CTNNA3: variants seen among roughly 807,000 people sequenced by gnomAD.
CTNNA3 encodes catenin alpha-3.
Under a neutral mutation model 95.7 loss-of-function variants are expected in CTNNA3, and 76 were observed. That is an observed-to-expected ratio of 0.79 (90% CI 0.66 to 0.96). CTNNA3 has a LOEUF of 0.96. CTNNA3 is among the 40% of genes least tolerant of loss of function. CTNNA3 has a pLI of 0.00. For synonymous variants in CTNNA3, 431 were observed against 374.4 expected, an observed-to-expected ratio of 1.15 and a Z score of -1.74; for missense variants, 1,191 against 1,089.8, an observed-to-expected ratio of 1.09 and a Z score of -1.31.
chr10:67,067,444 A>G (rs1223128631), intron 7 of CTNNA3, among the ~76,000 whole-genome samples: 4 of 152,220 alleles, frequency 2.6e-5, no homozygotes, highest in Non-Finnish European at 4.4e-5. Flanking sequence ...TTGTCCCTAT[A>G]ATAACATTTC....
chr10:67,539,743 T>C (rs1840612761), intron 3 of CTNNA3, 74 bp from the exon 4 acceptor site: 4 of 1,321,732 alleles, frequency 3.0e-6, no homozygotes, highest in Non-Finnish European at 3.2e-6. Context: ...TCAGCTAACC[T>C]AATTCCAAGT....
intron 1 of CTNNA3, among the ~76,000 whole-genome samples, chr10:67,669,090 G>A (rs969042863): frequency 4.6e-5 from 7 of 151,942 alleles, no homozygotes; most frequent in East Asian, 3.9e-4. Flanking sequence ...TGCCCGCCTC[G>A]GCCTCCCAAA....
intron 6 of CTNNA3, among the ~76,000 whole-genome samples, chr10:67,195,463 A>G (rs763191662): frequency 1.0e-4 from 14 of 138,314 alleles, no homozygotes; most frequent in Non-Finnish European, 1.8e-4. Context: ...CACCTACCAT[A>G]CAGGACTTTA....
At chr10:67,420,918 T>C (rs976151542) in intron 5 of CTNNA3, among the ~76,000 whole-genome samples, 1 of 152,284 alleles carries the variant, frequency 6.6e-6, no homozygotes, top group Admixed American at 6.5e-5. Context: ...AATAGTTTTG[T>C]TGTTGTTGTT....
intron 11 of CTNNA3, among the ~76,000 whole-genome samples, chr10:66,470,248 T>C (rs1839078237): frequency 6.6e-6 from 1 of 151,758 alleles, no homozygotes; most frequent in Non-Finnish European, 1.5e-5. Flanking sequence ...AATCTGTAAA[T>C]TAAGAGACAA....
intron 13 of CTNNA3, among the ~76,000 whole-genome samples, chr10:66,170,969 A>G (rs1174204686): frequency 2.0e-5 from 3 of 151,794 alleles, no homozygotes; most frequent in Non-Finnish European, 4.4e-5. Context: ...CCTAGTCTCT[A>G]CTAAAAATAC....
At chr10:66,454,026 G>C (rs1389449650) in intron 11 of CTNNA3, among the ~76,000 whole-genome samples, 1 of 151,268 alleles carries the variant, frequency 6.6e-6, no homozygotes, top group Non-Finnish European at 1.5e-5. Flanking sequence ...AGGTGAAAGA[G>C]AGAGGCAGAA....
intron 7 of CTNNA3, among the ~76,000 whole-genome samples, chr10:66,978,526 CAAAAAAA>C (rs1170594360): frequency 1.7e-4 from 7 of 42,318 alleles, no homozygotes; most frequent in Non-Finnish European, 2.3e-4. Context: ...GACTCCATCT[CAAAAAAA>C]AAAAAAAAAA....
At chr10:66,100,802 A>G (rs1014861891) in intron 14 of CTNNA3, among the ~76,000 whole-genome samples, 1 of 152,184 alleles carries the variant, frequency 6.6e-6, no homozygotes, top group African/African-American at 2.4e-5. Flanking sequence ...ATCGTATATA[A>G]TGTGGAAATT....
At chr10:66,255,105 T>G (rs1479484379) in intron 13 of CTNNA3, among the ~76,000 whole-genome samples, 1 of 152,210 alleles carries the variant, frequency 6.6e-6, no homozygotes, top group Non-Finnish European at 1.5e-5. Flanking sequence ...GACCCCATTT[T>G]GAATTGAACT....
At chr10:66,133,629 A>T (rs773239436) in intron 13 of CTNNA3, among the ~76,000 whole-genome samples, 3 of 152,180 alleles carry the variant, frequency 2.0e-5, no homozygotes, top group Admixed American at 6.5e-5. Flanking sequence ...GATTAGCCCA[A>T]TTAGAAATGA....
At chr10:67,155,527 ATATGTG>A (rs1216664104) in intron 7 of CTNNA3, among the ~76,000 whole-genome samples, 2 of 87,298 alleles carry the variant, frequency 2.3e-5, no homozygotes, top group Admixed American at 1.1e-4. Flanking sequence ...TTGTATTAAT[ATATGTG>A]TGTGTGTGTG....
intron 9 of CTNNA3, among the ~76,000 whole-genome samples, chr10:66,721,025 A>G (rs1265368968): frequency 6.6e-6 from 1 of 152,116 alleles, no homozygotes; most frequent in Non-Finnish European, 1.5e-5. Context: ...TTTTTATTTA[A>G]TTGGTTTGAG....
chr10:66,275,531 C>T lies in CTNNA3; in HGVS notation c.1884+4939G>A, dbSNP rs80126561. Among the ~76,000 whole-genome samples, 643 of 152,136 alleles carry T rather than the reference C, an allele frequency of 4.2e-3. 8 individuals carry two copies. Among genetic ancestry groups the T allele is most frequent in the African/African-American group, 0.014 (583 of 41,492 alleles). ...AATTCAGTAGTGTTCTTCCATTTTC[C>T]CCTGCAGGGAAGAAACTGATGACAT... is the stretch of plus-strand genomic sequence containing the variant. On this transcript the variant is annotated intron_variant, in intron 13 of 17. Coordinates refer to ENST00000433211, the MANE Select transcript of CTNNA3 (RefSeq NM_013266.4).
At chr10:65,961,853 C>A (rs1400277131) in intron 17 of CTNNA3, among the ~76,000 whole-genome samples, 2 of 151,838 alleles carry the variant, frequency 1.3e-5, no homozygotes, top group East Asian at 3.9e-4. Flanking sequence ...TTCTTACTGC[C>A]TGGAATATAC....
intron 12 of CTNNA3, among the ~76,000 whole-genome samples, chr10:66,300,554 T>C (rs1174143612): frequency 6.6e-6 from 1 of 151,734 alleles, no homozygotes; most frequent in Non-Finnish European, 1.5e-5. Flanking sequence ...CATGTTGATA[T>C]GGATTCCTGA....
intron 7 of CTNNA3, among the ~76,000 whole-genome samples, chr10:66,802,422 A>G (rs1261124924): frequency 1.3e-5 from 2 of 151,826 alleles, no homozygotes; most frequent in Non-Finnish European, 2.9e-5. Context: ...AACATCAAAT[A>G]TCATTACAGA....
chr10:66,756,816 C>T (rs529126736), intron 9 of CTNNA3, among the ~76,000 whole-genome samples: 17 of 152,226 alleles, frequency 1.1e-4, no homozygotes, highest in African/African-American at 3.9e-4. Flanking sequence ...ACCAAAATAA[C>T]GTCCTCTAGA....
intron 7 of CTNNA3, among the ~76,000 whole-genome samples, chr10:67,074,186 C>A (rs982472356): frequency 6.6e-6 from 1 of 151,546 alleles, no homozygotes; most frequent in African/African-American, 2.4e-5. Flanking sequence ...GCACGTGCCA[C>A]CATGACCAGC....
Sources: allele counts gnomAD v4.1 joint callset (sites outside exome capture counted in the v4.1 genomes callset), GRCh38; gene constraint gnomAD v4.1.1; transcripts MANE v1.5; gene names NCBI Gene and HGNC (gene_info 2026-07-23, HGNC 2026-07-21).